CDH13: variants seen among roughly 807,000 people sequenced by gnomAD.
The protein encoded by CDH13 is cadherin-13.
CDH13 carries 24 observed loss-of-function variants against 63.8 expected under a neutral mutation model. The observed-to-expected ratio is 0.38, with a 90% CI of 0.27 to 0.53. The LOEUF (loss-of-function observed/expected upper bound fraction) is 0.53, where lower values mean the gene tolerates loss of function less well. CDH13 is among the 20% of genes least tolerant of loss of function. The pLI, the probability that CDH13 is intolerant of heterozygous loss-of-function variation, is 0.85. For missense variants in CDH13, 1,049 were observed against 903.1 expected (o/e 1.16, Z -2.07); for synonymous variants, 503 against 355.3 (o/e 1.42, Z -4.67).
chr16:83,265,207 C>T (rs943545503), intron 5 of CDH13, among the ~76,000 whole-genome samples: 1 of 152,154 alleles, frequency 6.6e-6, no homozygotes, highest in African/African-American at 2.4e-5. Context: ...TCTAAGCCTG[C>T]TTCTCAGCCA....
chr16:83,330,978 T>A (rs1306899465), intron 5 of CDH13, among the ~76,000 whole-genome samples: 1 of 152,234 alleles, frequency 6.6e-6, no homozygotes, highest in African/African-American at 2.4e-5. Flanking sequence ...AATATTTACT[T>A]AATGATTGCT....
intron 1 of CDH13, among the ~76,000 whole-genome samples, chr16:82,846,246 C>G (rs2039249897): frequency 6.6e-6 from 1 of 152,048 alleles, no homozygotes; most frequent in Admixed American, 6.5e-5. Context: ...TGACATGGTC[C>G]CAGTCCTTAT....
At chr16:83,686,482 G>A (rs1451730068) in intron 10 of CDH13, among the ~76,000 whole-genome samples, 1 of 152,144 alleles carries the variant, frequency 6.6e-6, no homozygotes, top group Non-Finnish European at 1.5e-5. Flanking sequence ...CAGCAAAATT[G>A]AAATTAATAA....
intron 5 of CDH13, among the ~76,000 whole-genome samples, chr16:83,337,045 A>G (rs1266443111): frequency 6.6e-6 from 1 of 152,226 alleles, no homozygotes; most frequent in Non-Finnish European, 1.5e-5. Context: ...ATAGTTCGCC[A>G]TGAAGCTGAA....
intron 4 of CDH13, among the ~76,000 whole-genome samples, chr16:83,159,628 T>G (rs1441657404): frequency 1.3e-5 from 2 of 152,192 alleles, no homozygotes; most frequent in African/African-American, 2.4e-5. Flanking sequence ...AAACGATATT[T>G]CCATTGTTGG....
At chr16:82,866,766 T>C (rs532085191) in intron 2 of CDH13, among the ~76,000 whole-genome samples, 1 of 152,112 alleles carries the variant, frequency 6.6e-6, no homozygotes, top group East Asian at 1.9e-4. Context: ...GGCACCTTCT[T>C]CACAAGGAGG....
At chr16:82,682,789 G>A (rs944985205) in intron 1 of CDH13, among the ~76,000 whole-genome samples, 25 of 152,200 alleles carry the variant, frequency 1.6e-4, no homozygotes, top group African/African-American at 5.8e-4. Flanking sequence ...GATCTTCTGA[G>A]AAGGCCTAGC....
At chr16:82,950,533 G>T (rs763778152) in intron 2 of CDH13, among the ~76,000 whole-genome samples, 14 of 152,104 alleles carry the variant, frequency 9.2e-5, no homozygotes, top group Non-Finnish European at 1.9e-4. Context: ...CTCCCTATTC[G>T]CTTGGTTCTC....
At chr16:83,448,661 G>A (rs112951876) in intron 6 of CDH13, among the ~76,000 whole-genome samples, 1,915 of 152,226 alleles carry the variant, frequency 0.013, 42 homozygotes, top group African/African-American at 0.044. Context: ...TTATAGAATT[G>A]GTCAATTTTT....
chr16:83,543,987 C>G (rs1013092682), intron 7 of CDH13, among the ~76,000 whole-genome samples: 25 of 152,196 alleles, frequency 1.6e-4, no homozygotes, highest in African/African-American at 6.0e-4. Context: ...CTTTGTTGTT[C>G]CATATCCAGC....
Position 82,987,732 on chromosome 16 carries a change from C to T in CDH13, c.158-44278C>T, listed in dbSNP as rs141059378. ...TTAAGTTGCTGGTCACTGGTTGAAT[C>T]GCAAAGAGTGTAAGGACCATGCAAG... On this transcript the variant is annotated intron_variant, in intron 2 of 13. Transcript: ENST00000567109. Among the ~76,000 whole-genome samples, 23 of 152,262 alleles carry T rather than the reference C, an allele frequency of 1.5e-4. 1 individual carries two copies. The highest frequency in any genetic ancestry group is 1.4e-3 in the South Asian group (7 of 4,828).
At chr16:83,044,847 G>A (rs58409508) in intron 3 of CDH13, among the ~76,000 whole-genome samples, 17,775 of 152,156 alleles carry the variant, frequency 0.12, 1,175 homozygotes, top group African/African-American at 0.18. Flanking sequence ...GCTGCTCGGG[G>A]CTTTCACATA....
chr16:83,673,272 G>A (rs985368815), intron 9 of CDH13, among the ~76,000 whole-genome samples: 6 of 151,964 alleles, frequency 3.9e-5, no homozygotes, highest in Non-Finnish European at 7.4e-5. Context: ...TTCGTTCATC[G>A]GACATAGCAC....
chr16:83,383,807 C>T (rs1002795583), intron 6 of CDH13, among the ~76,000 whole-genome samples: 2 of 152,178 alleles, frequency 1.3e-5, no homozygotes, highest in African/African-American at 2.4e-5. Flanking sequence ...GATTGAGTGA[C>T]TTCCTCAAGG....
At chr16:83,624,877 C>G (rs757037682) in intron 8 of CDH13, among the ~76,000 whole-genome samples, 1 of 152,176 alleles carries the variant, frequency 6.6e-6, no homozygotes, top group Non-Finnish European at 1.5e-5. Flanking sequence ...CAAACAGAAC[C>G]AGTTCCCTTG....
chr16:83,738,303 T>C (rs1186657841), intron 10 of CDH13, among the ~76,000 whole-genome samples: 2 of 152,238 alleles, frequency 1.3e-5, no homozygotes, highest in East Asian at 1.9e-4. Context: ...TTATTCCAAA[T>C]GAGCGAGTGA....
At chr16:82,808,240 C>T (rs180977373) in intron 1 of CDH13, among the ~76,000 whole-genome samples, 7 of 152,216 alleles carry the variant, frequency 4.6e-5, no homozygotes, top group East Asian at 1.9e-4. Context: ...AATCATTGCA[C>T]GCATGAAATG....
At chr16:82,892,350 C>T (rs927760788) in intron 2 of CDH13, among the ~76,000 whole-genome samples, 19 of 152,330 alleles carry the variant, frequency 1.2e-4, no homozygotes, top group African/African-American at 4.6e-4. Flanking sequence ...TCTTACGCAG[C>T]TTATTCACCA....
At position 83,799,068 on chromosome 16, in the gene CDH13, T is replaced by C. The variant is rs997175392; in HGVS notation, c.*4038T>C. 5 of 151,888 alleles carry C rather than the reference T, an allele frequency of 3.3e-5. No homozygotes were observed. Among genetic ancestry groups the C allele is most frequent in the African/African-American group, 1.2e-4 (5 of 41,344 alleles). 9.4% of individuals were successfully genotyped at this position (151,888 alleles called of 1,614,324 possible). A position where few individuals can be genotyped will look rare whatever the true frequency, so the allele number is the denominator to read the frequency against. On this transcript the variant is annotated 3_prime_UTR_variant, in exon 14 of 14. Transcript: ENST00000567109. ...GACTCATGCCTGTAATCCCAGCCCT[T>C]TGGGAGGCAGAGGCGGGTGGATCAC... is the stretch of plus-strand genomic sequence containing the variant.
Sources: allele counts gnomAD v4.1 joint callset (sites outside exome capture counted in the v4.1 genomes callset), GRCh38; gene constraint gnomAD v4.1.1; transcripts MANE v1.5; gene names NCBI Gene and HGNC (gene_info 2026-07-23, HGNC 2026-07-21).